Variants in POLR3H observed in about 807,000 individuals in gnomAD.
POLR3H encodes RNA polymerase III subunit H.
POLR3H carries 17 observed loss-of-function variants against 25.5 expected under a neutral mutation model. The ratio of observed to expected loss-of-function variants is 0.67; its 90% CI spans 0.46 to 1.00. The LOEUF is 1.00. Ranked by LOEUF, POLR3H falls within the 50% of genes least tolerant of loss-of-function variation. The probability of loss-of-function intolerance (pLI) is 0.00; values close to 1 mark genes in which losing one functional copy is unlikely to be tolerated. For missense variants in POLR3H, 274 were observed against 265.0 expected, an observed-to-expected ratio of 1.03 and a Z score of -0.24; for synonymous variants, 129 against 103.0, an observed-to-expected ratio of 1.25 and a Z score of -1.53.
Position 41,544,347 on chromosome 22 carries a change from A to C in POLR3H, c.-246T>G, listed in dbSNP as rs993210008. 72 of 358,086 alleles carry C rather than the reference A, an allele frequency of 2.0e-4. No individual in the cohort carries two copies. The highest frequency in any genetic ancestry group is 5.8e-4 in the South Asian group (11 of 18,972). 22.2% of individuals were successfully genotyped at this position (358,086 alleles called of 1,614,324 possible). On this transcript the variant is annotated 5_prime_UTR_variant, in exon 1 of 6. Coordinates refer to ENST00000355209, the MANE Select transcript of POLR3H (RefSeq NM_001018050.4). ...TCCGGGTGCGCGCCCGCGCCGCGAG[A>C]CCCCGCCACGCCACGCCACTCCACG...
At chr22:41,530,119 C>G (rs572705612) in intron 5 of POLR3H, among the ~76,000 whole-genome samples, 2 of 152,106 alleles carry the variant, frequency 1.3e-5, no homozygotes, top group Non-Finnish European at 2.9e-5. Flanking sequence ...CTTTCTCCCT[C>G]AAACCCCTCC....
In POLR3H at chr22:41,528,345, C is replaced by T. The variant is rs1247633504; in HGVS notation, c.*938G>A. 1.5e-6 allele frequency: 2 copies of T among 1,314,694 alleles called. No homozygotes were observed. The highest frequency in any genetic ancestry group is 1.5e-5 in the African/African-American group (1 of 67,202). 81.4% of individuals were successfully genotyped at this position (1,314,694 alleles called of 1,614,324 possible). ...TGGGTCTGACCTGGGCCATCAGGCA[C>T]AGACTGGCCTAGGATTTGGTTTGCC... On this transcript the variant is annotated 3_prime_UTR_variant, in exon 6 of 6. Coordinates refer to ENST00000355209, the MANE Select transcript of POLR3H (RefSeq NM_001018050.4).
chr22:41,530,114 T>A (rs1165445310), intron 5 of POLR3H, among the ~76,000 whole-genome samples: 2 of 151,798 alleles, frequency 1.3e-5, no homozygotes, highest in African/African-American at 4.8e-5. Context: ...GATTTCTTTC[T>A]CCCTCAAACC....
At position 41,526,078 on chromosome 22, in the gene POLR3H, G is replaced by A; in HGVS notation, c.*3205C>T. On this transcript the variant is annotated 3_prime_UTR_variant, in exon 6 of 6. Transcript: ENST00000355209. Reference sequence around the variant, plus strand: ...CTTTGAGGGGATGAAGGCCTGGCCTGAGCCCATGTGGCCTTAGGGTGGAAG... The same window carrying A: ...CTTTGAGGGGATGAAGGCCTGGCCTAAGCCCATGTGGCCTTAGGGTGGAAG... 1.7e-6 allele frequency: 1 copy of A among 578,268 alleles called. No individual in the cohort carries two copies. Among genetic ancestry groups the A allele is most frequent in the Non-Finnish European group, 3.0e-6 (1 of 327,886 alleles). The allele number at this position is 578,268 out of a possible 1,614,324, so 35.8% of individuals were successfully genotyped here.
chr22:41,540,592 C>T (rs1282785438), intron 2 of POLR3H, 107 bp downstream of exon 2: 4 of 843,752 alleles, frequency 4.7e-6, no homozygotes, highest in Admixed American at 3.6e-5. Flanking sequence ...ATCCTTCCGC[C>T]CTCAGCCTTA....
At chr22:41,537,230 T>C (rs1039858992) in intron 2 of POLR3H, among the ~76,000 whole-genome samples, 2 of 152,220 alleles carry the variant, frequency 1.3e-5, no homozygotes, top group African/African-American at 4.8e-5. Context: ...TCACTCAGAC[T>C]TGCTCGTTGA....
At chr22:41,541,976 G>A (rs550274873) in intron 1 of POLR3H, among the ~76,000 whole-genome samples, 1 of 152,184 alleles carries the variant, frequency 6.6e-6, no homozygotes, top group South Asian at 2.1e-4. Context: ...CCTCAACTCC[G>A]ACATCCTACA....
Position 41,527,529 on chromosome 22 carries a change from GC to G in POLR3H, c.*1753del. On this transcript the variant is annotated 3_prime_UTR_variant, in exon 6 of 6. Coordinates refer to ENST00000355209, the MANE Select transcript of POLR3H (RefSeq NM_001018050.4). ...CTGGTTCTAGGCTGTGTCCACTGCA[GC>G]CCACAGGCCCGTCAGCCTCTTGCCC... The G allele has an allele frequency of 7.0e-7, 1 of 1,422,894 alleles. No homozygotes were observed. Among genetic ancestry groups the G allele is most frequent in the Non-Finnish European group, 9.4e-7 (1 of 1,059,576 alleles). 88.1% of individuals were successfully genotyped at this position (1,422,894 alleles called of 1,614,324 possible). A position where few individuals can be genotyped will look rare whatever the true frequency, so the allele number is the denominator to read the frequency against.
In POLR3H at chr22:41,527,567, C is replaced by T. The variant is rs1016076945; in HGVS notation, c.*1716G>A. On this transcript the variant is annotated 3_prime_UTR_variant, in exon 6 of 6. Transcript: ENST00000355209. Reference sequence around the variant, plus strand: ...TCAGCCTCTTGCCCCTTCTTAGGCTCACACAGTGCACATCCGACGCTCAGC... The same window carrying T: ...TCAGCCTCTTGCCCCTTCTTAGGCTTACACAGTGCACATCCGACGCTCAGC... 10 of 1,118,478 alleles carry T rather than the reference C, an allele frequency of 8.9e-6. No individual in the cohort carries two copies. The highest frequency in any genetic ancestry group is 1.1e-5 in the Non-Finnish European group (9 of 797,632). The allele number at this position is 1,118,478 out of a possible 1,614,324, so 69.3% of individuals were successfully genotyped here.
rs766874902 is a variant in POLR3H at position 41,527,261 on chromosome 22, A to G, written c.*2022T>C. ...TGAGGACGGTGCCCTCCTCTGCCTTATAACCTTACCCCCGCTTGCCTGACA... is the reference window on the plus strand; with the variant it reads ...TGAGGACGGTGCCCTCCTCTGCCTTGTAACCTTACCCCCGCTTGCCTGACA... On this transcript the variant is annotated 3_prime_UTR_variant, in exon 6 of 6. Transcript: ENST00000355209. 3 of 1,613,916 alleles carry G rather than the reference A, an allele frequency of 1.9e-6. No homozygotes were observed. The highest frequency in any genetic ancestry group is 2.2e-5 in the South Asian group (2 of 91,090).
chr22:41,531,581 C>G (rs1239452461), intron 4 of POLR3H, among the ~76,000 whole-genome samples: 1 of 152,214 alleles, frequency 6.6e-6, no homozygotes, highest in Non-Finnish European at 1.5e-5. Context: ...AGAGTCCTTC[C>G]CAGTGAGGAG....
Position 41,532,546 on chromosome 22 carries a change from G to A in POLR3H, c.295+113C>T, listed in dbSNP as rs1204829975. 1.9e-5 allele frequency: 30 copies of A among 1,575,594 alleles called. No individual in the cohort carries two copies. The Admixed American group carries it at 2.7e-4, about 14-fold the overall frequency. ...GGTGGGCAAGCTTCTCTGACACCAC[G>A]GGGAAGGTTCGGCCTCGACACCTGA... On this transcript the variant is annotated intron_variant, in intron 3 of 5. Coordinates refer to ENST00000355209, the MANE Select transcript of POLR3H (RefSeq NM_001018050.4).
chr22:41,543,631 A>C (rs1324815272), intron 1 of POLR3H: 1 of 387,388 alleles, frequency 2.6e-6, no homozygotes. Flanking sequence ...AAAAACAAAA[A>C]ACAAAACAAA....
intron 2 of POLR3H, chr22:41,540,217 A>G (rs1188731113): frequency 1.1e-5 from 3 of 272,440 alleles, no homozygotes; most frequent in African/African-American, 4.4e-5. Flanking sequence ...TCTGCTCTCC[A>G]CAGGCAGCGG....
intron 2 of POLR3H, among the ~76,000 whole-genome samples, chr22:41,533,323 G>C (rs533081978): frequency 2.0e-5 from 3 of 152,188 alleles, no homozygotes; most frequent in South Asian, 2.1e-4. Context: ...GGCATTAGCT[G>C]TATGTCACCT....
chr22:41,527,269 A>C lies in POLR3H; in HGVS notation c.*2014T>G, dbSNP rs1601936357. On this transcript the variant is annotated 3_prime_UTR_variant, in exon 6 of 6. Transcript: ENST00000355209. ...GTGCCCTCCTCTGCCTTATAACCTT[A>C]CCCCCGCTTGCCTGACAGAAACATG... is the stretch of plus-strand genomic sequence containing the variant. 5.0e-6 allele frequency: 8 copies of C among 1,613,184 alleles called. No individual in the cohort carries two copies. Among genetic ancestry groups the C allele is most frequent in the Non-Finnish European group, 6.8e-6 (8 of 1,179,790 alleles).
intron 2 of POLR3H, among the ~76,000 whole-genome samples, chr22:41,535,171 A>G (rs537755766): frequency 3.9e-5 from 6 of 152,308 alleles, no homozygotes; most frequent in African/African-American, 1.4e-4. Context: ...CAGGAACTAT[A>G]TAATGCTTGT....
chr22:41,540,621 C>A (rs758370595), intron 2 of POLR3H, 78 bp downstream of exon 2: 1 of 1,122,202 alleles, frequency 8.9e-7, no homozygotes, highest in South Asian at 1.2e-5. Context: ...CACCACTGAA[C>A]CTGGATTTGG....
rs373577599 is a variant in POLR3H at position 41,541,375 on chromosome 22, G to A, written c.112-580C>T. On this transcript the variant is annotated intron_variant, in intron 1 of 5. Transcript: ENST00000355209. ...AGACGCAGCCACAGGGACTGCAGCT[G>A]GCAGAGGGACACAAGACCTAGGCCC... is the stretch of plus-strand genomic sequence containing the variant. 3.9e-5 allele frequency among the ~76,000 whole-genome samples: 6 copies of A among 152,276 alleles called. No individual in the cohort carries two copies. The East Asian group carries it at 7.7e-4, about 20-fold the overall frequency.
Sources: allele counts gnomAD v4.1 joint callset (sites outside exome capture counted in the v4.1 genomes callset), GRCh38; gene constraint gnomAD v4.1.1; transcripts MANE v1.5; gene names NCBI Gene and HGNC (gene_info 2026-07-23, HGNC 2026-07-21).